ASIC2: variants seen among roughly 807,000 people sequenced by gnomAD.
ASIC2 encodes acid-sensing ion channel 2.
ASIC2 carries 25 observed loss-of-function variants against 57.3 expected under a neutral mutation model. The observed-to-expected ratio is 0.44, with a 90% CI of 0.32 to 0.61. The LOEUF is 0.61. Among genes scored for constraint, ASIC2 ranks in the 20% least tolerant of loss-of-function variants. The probability of loss-of-function intolerance (pLI) is 0.06; values close to 1 mark genes in which losing one functional copy is unlikely to be tolerated. For missense variants in ASIC2, 641 were observed against 738.1 expected (o/e 0.87, Z 1.52); for synonymous variants, 319 against 307.5 (o/e 1.04, Z -0.39).
intron 1 of ASIC2, among the ~76,000 whole-genome samples, chr17:33,498,610 G>T (rs542496878): frequency 6.6e-6 from 1 of 152,010 alleles, no homozygotes; most frequent in Non-Finnish European, 1.5e-5. Flanking sequence ...GGAGCTGCTC[G>T]GGTGAAGACT....
At chr17:33,180,690 C>T (rs772632250) in intron 1 of ASIC2, among the ~76,000 whole-genome samples, 3 of 152,192 alleles carry the variant, frequency 2.0e-5, no homozygotes, top group Non-Finnish European at 2.9e-5. Context: ...GCTGTGAGAA[C>T]TGTCATCTAT....
chr17:33,129,153 C>A (rs1011773213), intron 1 of ASIC2, among the ~76,000 whole-genome samples: 1 of 152,224 alleles, frequency 6.6e-6, no homozygotes, highest in East Asian at 1.9e-4. Context: ...ACCTGTGTGG[C>A]CCTGCCCTAT....
intron 1 of ASIC2, among the ~76,000 whole-genome samples, chr17:33,403,464 A>G (rs1241094493): frequency 6.6e-6 from 1 of 152,236 alleles, no homozygotes; most frequent in South Asian, 2.1e-4. Flanking sequence ...CAGCTGCCAC[A>G]TGCTGCTTTA....
intron 1 of ASIC2, among the ~76,000 whole-genome samples, chr17:33,798,472 A>G (rs143495500): frequency 3.0e-4 from 46 of 152,280 alleles, no homozygotes; most frequent in African/African-American, 1.1e-3. Flanking sequence ...GAACAGCCCA[A>G]AGCACAGATC....
intron 1 of ASIC2, among the ~76,000 whole-genome samples, chr17:33,224,654 A>G (rs1474485733): frequency 6.6e-6 from 1 of 152,246 alleles, no homozygotes; most frequent in African/African-American, 2.4e-5. Context: ...TCTCACTGCC[A>G]TTCAATGAGG....
rs553158426 is a variant in ASIC2 at position 33,629,669 on chromosome 17, G to A, written c.556-517602C>T. 2.6e-5 allele frequency among the ~76,000 whole-genome samples: 4 copies of A among 152,230 alleles called. No individual in the cohort carries two copies. In the South Asian group the frequency reaches 8.3e-4, roughly 32 times the overall value. ...CTAGAGGGAGGATACCATAGCCATG[G>A]CCCTATAGTGCTATCTCTTTGAACT... On this transcript the variant is annotated intron_variant, in intron 1 of 9. Transcript: ENST00000359872.
At chr17:34,044,148 A>C (rs1908246980) in intron 1 of ASIC2, among the ~76,000 whole-genome samples, 1 of 151,514 alleles carries the variant, frequency 6.6e-6, no homozygotes, top group African/African-American at 2.4e-5. Flanking sequence ...ACACACACAC[A>C]CCAAGAAGAA....
intron 1 of ASIC2, among the ~76,000 whole-genome samples, chr17:33,710,038 A>G (rs576547116): frequency 3.3e-5 from 5 of 152,272 alleles, no homozygotes; most frequent in South Asian, 2.1e-4. Context: ...TGAATTAATT[A>G]TCTCTGCCTC....
At chr17:33,642,142 C>T (rs1251299203) in intron 1 of ASIC2, among the ~76,000 whole-genome samples, 1 of 151,706 alleles carries the variant, frequency 6.6e-6, no homozygotes, top group Admixed American at 6.6e-5. Context: ...GCCCATGGCC[C>T]ATAAACTATT....
At chr17:33,898,220 C>CTGTT (rs1915146635) in intron 1 of ASIC2, among the ~76,000 whole-genome samples, 1 of 66,196 alleles carries the variant, frequency 1.5e-5, no homozygotes, top group Non-Finnish European at 2.8e-5. Context: ...CATGTATAAT[C>CTGTT]TTTTTTTTTT....
intron 1 of ASIC2, among the ~76,000 whole-genome samples, chr17:33,944,843 G>A (rs1204553741): frequency 1.3e-5 from 2 of 152,204 alleles, no homozygotes; most frequent in African/African-American, 4.8e-5. Context: ...GATGGAGGTA[G>A]ATCTGATGGT....
intron 1 of ASIC2, among the ~76,000 whole-genome samples, chr17:33,213,479 T>C (rs1907359862): frequency 6.6e-6 from 1 of 152,212 alleles, no homozygotes; most frequent in South Asian, 2.1e-4. Context: ...AGCTGGGCCT[T>C]GCAACAATGA....
chr17:33,775,858 C>T (rs749790430), intron 1 of ASIC2, among the ~76,000 whole-genome samples: 5 of 152,118 alleles, frequency 3.3e-5, no homozygotes, highest in South Asian at 2.1e-4. Flanking sequence ...TCAGACTGGA[C>T]GCTGTGGCTC....
At chr17:33,283,354 C>A (rs1905033554) in intron 1 of ASIC2, among the ~76,000 whole-genome samples, 1 of 152,182 alleles carries the variant, frequency 6.6e-6, no homozygotes, top group South Asian at 2.1e-4. Flanking sequence ...AGCATCTGTA[C>A]CACCTGGGAG....
chr17:33,152,017 T>C (rs59237168), intron 1 of ASIC2, among the ~76,000 whole-genome samples: 30,106 of 152,174 alleles, frequency 0.2, 3,203 homozygotes, highest in East Asian at 0.31. Context: ...AAAAAAGGGA[T>C]AGGAGGGAGC....
chr17:33,438,573 C>T (rs533271751), intron 1 of ASIC2, among the ~76,000 whole-genome samples: 10 of 152,122 alleles, frequency 6.6e-5, no homozygotes, highest in East Asian at 1.9e-4. Flanking sequence ...CCATTTGTCT[C>T]GGTGATTATT....
At chr17:33,869,859 C>T (rs8071739) in intron 1 of ASIC2, among the ~76,000 whole-genome samples, 4,444 of 152,266 alleles carry the variant, frequency 0.029, 199 homozygotes, top group African/African-American at 0.1. Flanking sequence ...AAAGCCATTG[C>T]ACTGTGCACT....
intron 1 of ASIC2, among the ~76,000 whole-genome samples, chr17:33,215,088 A>G (rs1024261121): frequency 9.2e-5 from 14 of 152,360 alleles, no homozygotes; most frequent in Non-Finnish European, 1.5e-4. Flanking sequence ...AACATATGGA[A>G]GATGCTTGGT....
chr17:33,911,219 G>A (rs905242093), intron 1 of ASIC2, among the ~76,000 whole-genome samples: 2 of 152,118 alleles, frequency 1.3e-5, no homozygotes, highest in African/African-American at 4.8e-5. Context: ...TTTGACTAGG[G>A]ACCTCTGTGT....
Sources: allele counts gnomAD v4.1 joint callset (sites outside exome capture counted in the v4.1 genomes callset), GRCh38; gene constraint gnomAD v4.1.1; transcripts MANE v1.5; gene names NCBI Gene and HGNC (gene_info 2026-07-23, HGNC 2026-07-21).